WDR49: variants seen among roughly 807,000 people sequenced by gnomAD.
The protein encoded by WDR49 is cilia- and flagella-associated protein 337.
A neutral mutation model predicts 119.5 loss-of-function variants in WDR49; 107 were observed. The ratio of observed to expected loss-of-function variants is 0.90; its 90% CI spans 0.77 to 1.05. The LOEUF (loss-of-function observed/expected upper bound fraction) is 1.05, where lower values mean the gene tolerates loss of function less well. Ranked by LOEUF, WDR49 falls within the 50% of genes least tolerant of loss-of-function variation. The probability of loss-of-function intolerance (pLI) is 0.00; values close to 1 mark genes in which losing one functional copy is unlikely to be tolerated. For missense variants in WDR49, 1,240 were observed against 1,220.5 expected (o/e 1.02, Z -0.24); for synonymous variants, 425 against 418.8 (o/e 1.01, Z -0.18).
At chr3:167,528,736 C>A (rs963181200) in intron 14 of WDR49, among the ~76,000 whole-genome samples, 2 of 151,480 alleles carry the variant, frequency 1.3e-5, no homozygotes, top group African/African-American at 4.8e-5. Context: ...TAAATAAATA[C>A]ATACATACAT....
chr3:167,490,835 TCTC>T (rs1361479837), intron 18 of WDR49, among the ~76,000 whole-genome samples: 3 of 152,084 alleles, frequency 2.0e-5, no homozygotes, highest in Admixed American at 1.3e-4. Context: ...GACTTCCTCT[TCTC>T]CTTGGAAACA....
intron 2 of WDR49, among the ~76,000 whole-genome samples, chr3:167,638,023 G>T (rs936979112): frequency 1.3e-5 from 2 of 150,716 alleles, no homozygotes; most frequent in African/African-American, 4.9e-5. Flanking sequence ...TCAGTGTAGA[G>T]ACTAGGTGTG....
At position 167,560,086 on chromosome 3, in the gene WDR49, C is replaced by T. The variant is rs1296865261; in HGVS notation, c.1652G>A (p.Gly551Asp). ...CACCTTTACAGTCCCATCTGTGCTGCCAGTCAAAAGCCGAGTCTCATTTGC... is the reference window on the plus strand; with the variant it reads ...CACCTTTACAGTCCCATCTGTGCTGTCAGTCAAAAGCCGAGTCTCATTTGC... The part of the protein sequence containing the change: ...LDANETRLLT[G>D]STDGTVKIWD... Residue 551 changes from glycine (G) to aspartate (D), a missense_variant, in exon 9 of 19, where the codon GGC becomes GAC. By Grantham distance (94) the Gly-to-Asp change is moderately conservative. Transcript: ENST00000682715. The T allele has an allele frequency of 1.2e-6, 2 of 1,614,144 alleles. No homozygotes were observed. The highest frequency in any genetic ancestry group is 2.2e-5 in the South Asian group (2 of 91,082).
intron 10 of WDR49, among the ~76,000 whole-genome samples, chr3:167,542,319 C>A (rs1405145110): frequency 6.6e-6 from 1 of 152,092 alleles, no homozygotes; most frequent in East Asian, 1.9e-4. Context: ...TCCTACCCAA[C>A]AACTGCAGAA....
intron 2 of WDR49, among the ~76,000 whole-genome samples, chr3:167,636,823 C>T (rs752311076): frequency 5.9e-5 from 9 of 151,552 alleles, no homozygotes; most frequent in South Asian, 2.1e-4. Context: ...GTCCTTAGCC[C>T]GCTTTTTGAT....
At chr3:167,576,287 T>C in intron 7 of WDR49, 136 bp from the exon 8 acceptor site, 1 of 675,062 alleles carries the variant, frequency 1.5e-6, no homozygotes, top group Non-Finnish European at 2.5e-6. Flanking sequence ...TTCTCAATTC[T>C]GCCATAGCAC....
chr3:167,561,175 G>T (rs184882766), intron 8 of WDR49, among the ~76,000 whole-genome samples: 5 of 152,082 alleles, frequency 3.3e-5, no homozygotes, highest in Non-Finnish European at 7.4e-5. Context: ...AATCAAATGG[G>T]TTGAAGTTTA....
intron 2 of WDR49, among the ~76,000 whole-genome samples, chr3:167,628,661 T>C (rs963402598): frequency 2.6e-5 from 4 of 152,056 alleles, no homozygotes; most frequent in African/African-American, 9.7e-5. Context: ...CTCCACAACA[T>C]AAAAGTGCAA....
In WDR49 at chr3:167,647,257, A is replaced by T. The variant is rs148173346; in HGVS notation, c.165+6004T>A. On this transcript the variant is annotated intron_variant, in intron 2 of 18. Transcript: ENST00000682715. ...TTTTCTTGGTTGTCTTCACTTCTCCAGTTTTGGCCAACACTCAAGGTTAAA... is the reference window on the plus strand; with the variant it reads ...TTTTCTTGGTTGTCTTCACTTCTCCTGTTTTGGCCAACACTCAAGGTTAAA... Among the ~76,000 whole-genome samples the T allele has an allele frequency of 9.5e-3, 1,449 of 152,114 alleles. 14 individuals carry two copies. Among genetic ancestry groups the T allele is most frequent in the Non-Finnish European group, 0.014 (949 of 67,982 alleles).
chr3:167,618,146 C>A (rs1246783176), intron 5 of WDR49, among the ~76,000 whole-genome samples: 1 of 152,160 alleles, frequency 6.6e-6, no homozygotes, highest in Non-Finnish European at 1.5e-5. Context: ...TCTCCCTCAT[C>A]CATCCTTCAA....
chr3:167,552,736 G>A (rs1712647661), intron 10 of WDR49, among the ~76,000 whole-genome samples: 1 of 151,924 alleles, frequency 6.6e-6, no homozygotes, highest in African/African-American at 2.4e-5. Flanking sequence ...TGATGCTAAG[G>A]ATTAAATTAG....
chr3:167,515,989 C>T (rs545027132), intron 16 of WDR49, among the ~76,000 whole-genome samples: 1 of 152,258 alleles, frequency 6.6e-6, no homozygotes, highest in South Asian at 2.1e-4. Flanking sequence ...AGAGAGGACA[C>T]AAACAAGTGG....
chr3:167,571,743 T>A (rs2108280411), intron 8 of WDR49, among the ~76,000 whole-genome samples: 1 of 152,360 alleles, frequency 6.6e-6, no homozygotes, highest in East Asian at 1.9e-4. Context: ...AATAGTTTTG[T>A]ATTTGAGCTT....
chr3:167,575,812 G>T (rs1714215960), intron 8 of WDR49, 106 bp downstream of exon 8: 2 of 1,079,834 alleles, frequency 1.9e-6, no homozygotes, highest in African/African-American at 1.6e-5. Context: ...TCCCATATTT[G>T]CCTTTACTAT....
At chr3:167,518,014 G>C (rs542244119) in intron 16 of WDR49, among the ~76,000 whole-genome samples, 10 of 152,126 alleles carry the variant, frequency 6.6e-5, no homozygotes, top group South Asian at 2.1e-4. Flanking sequence ...ATAGTTTGCT[G>C]AGAATGATGA....
intron 7 of WDR49, among the ~76,000 whole-genome samples, chr3:167,577,320 A>G (rs147943990): frequency 1.4e-3 from 218 of 152,254 alleles, no homozygotes; most frequent in Non-Finnish European, 2.2e-3. Flanking sequence ...CTACTGAGGG[A>G]GTGAAAAACC....
chr3:167,543,091 G>A (rs1370720652), intron 10 of WDR49, among the ~76,000 whole-genome samples: 1 of 151,752 alleles, frequency 6.6e-6, no homozygotes. Flanking sequence ...TGATTAAATC[G>A]GGAAGAAATA....
intron 2 of WDR49, among the ~76,000 whole-genome samples, chr3:167,650,713 G>A (rs542736880): frequency 6.6e-6 from 1 of 152,202 alleles, no homozygotes; most frequent in Admixed American, 6.5e-5. Context: ...TAGAATCAAG[G>A]CACTGTCAGA....
At chr3:167,655,093 TG>T (rs912216282), upstream of WDR49, among the ~76,000 whole-genome samples, 10 of 152,118 alleles carry the variant, frequency 6.6e-5, no homozygotes, top group African/African-American at 2.4e-4. Context: ...TTCACATGGC[TG>T]GGGAGGCCTC....
Sources: allele counts gnomAD v4.1 joint callset (sites outside exome capture counted in the v4.1 genomes callset), GRCh38; gene constraint gnomAD v4.1.1; transcripts MANE v1.5; gene names NCBI Gene and HGNC (gene_info 2026-07-23, HGNC 2026-07-21).